REDIC1: variants seen among roughly 807,000 people sequenced by gnomAD.
REDIC1 encodes regulator of DNA class I crossover intermediates 1, also known as HEI10 Interacting Protein 1.
the REDIC1 span, among the ~76,000 whole-genome samples, chr12:39,730,874 T>C: frequency 6.6e-6 from 1 of 152,236 alleles, no homozygotes; most frequent in Admixed American, 6.5e-5. Context: ...TTCTCTAATC[T>C]TGTCTTCATG....
At chr12:39,859,741 G>C in the REDIC1 span, among the ~76,000 whole-genome samples, 1 of 152,012 alleles carries the variant, frequency 6.6e-6, no homozygotes, top group African/African-American at 2.4e-5. Context: ...TGGCCGGGCT[G>C]GTCTCAAACT....
chr12:39,813,747 G>C, the REDIC1 span, among the ~76,000 whole-genome samples: 2 of 152,154 alleles, frequency 1.3e-5, no homozygotes, highest in African/African-American at 4.8e-5. Context: ...CACGGCTGCA[G>C]CCACTACCAT....
the REDIC1 span, among the ~76,000 whole-genome samples, chr12:39,854,191 G>A: frequency 4.6e-5 from 7 of 151,900 alleles, no homozygotes; most frequent in African/African-American, 1.7e-4. Flanking sequence ...CATCACTTTA[G>A]GCAAATGATA....
the REDIC1 span, among the ~76,000 whole-genome samples, chr12:39,851,529 C>T: frequency 6.6e-6 from 1 of 152,088 alleles, no homozygotes; most frequent in Non-Finnish European, 1.5e-5. Context: ...TGTACAACAC[C>T]ATTTCAAAAA....
the REDIC1 span, among the ~76,000 whole-genome samples, chr12:39,680,112 C>A: frequency 1.3e-5 from 2 of 151,976 alleles, no homozygotes; most frequent in Non-Finnish European, 2.9e-5. Flanking sequence ...GCAAATGCAA[C>A]AAAAACAAAA....
chr12:39,905,944 T>C, the REDIC1 span, among the ~76,000 whole-genome samples: 2 of 152,136 alleles, frequency 1.3e-5, no homozygotes, highest in African/African-American at 2.4e-5. Flanking sequence ...GGTTACACTA[T>C]ATTTGGTATA....
At chr12:39,854,784 C>T in the REDIC1 span, among the ~76,000 whole-genome samples, 1 of 152,132 alleles carries the variant, frequency 6.6e-6, no homozygotes, top group Non-Finnish European at 1.5e-5. Flanking sequence ...GGCCCTTTCT[C>T]CAGCAGTATC....
the REDIC1 span, chr12:39,721,326 T>G: frequency 7.9e-7 from 1 of 1,271,170 alleles, no homozygotes; most frequent in Non-Finnish European, 1.1e-6. Context: ...GAAAATTTCA[T>G]TAACATGATA....
chr12:39,839,645 T>G, the REDIC1 span, among the ~76,000 whole-genome samples: 166 of 152,170 alleles, frequency 1.1e-3, 2 homozygotes, highest in African/African-American at 3.7e-3. Flanking sequence ...ACCTCTCAGA[T>G]AGTGGCATCT....
the REDIC1 span, among the ~76,000 whole-genome samples, chr12:39,800,326 T>G: frequency 1.9e-4 from 29 of 152,158 alleles, no homozygotes; most frequent in Non-Finnish European, 3.2e-4. Context: ...CAAGGGGGGA[T>G]TGAATTCGCA....
the REDIC1 span, among the ~76,000 whole-genome samples, chr12:39,749,027 A>G: frequency 1.3e-5 from 2 of 152,314 alleles, no homozygotes; most frequent in South Asian, 2.1e-4. Flanking sequence ...AGCAAGAGCA[A>G]ACACATTCAA....
the REDIC1 span, among the ~76,000 whole-genome samples, chr12:39,745,015 T>C: frequency 1.3e-5 from 2 of 152,158 alleles, no homozygotes; most frequent in Non-Finnish European, 2.9e-5. Context: ...CTAACACTAA[T>C]CAAAACTAAG....
chr12:39,752,290 C>T, the REDIC1 span, among the ~76,000 whole-genome samples: 4 of 152,112 alleles, frequency 2.6e-5, no homozygotes, highest in African/African-American at 9.7e-5. Context: ...GATCAGTGGA[C>T]TCTTATGGGA....
At chr12:39,692,162 T>C in the REDIC1 span, 3 of 1,386,514 alleles carry the variant, frequency 2.2e-6, no homozygotes, top group Non-Finnish European at 2.9e-6. Flanking sequence ...AAACTAACAA[T>C]TAAATAGAAA....
the REDIC1 span, among the ~76,000 whole-genome samples, chr12:39,835,261 C>T: frequency 6.6e-6 from 1 of 151,998 alleles, no homozygotes; most frequent in African/African-American, 2.4e-5. Flanking sequence ...GTCTAACAAT[C>T]CACCCAGTTC....
At chr12:39,705,150 G>T in the REDIC1 span, among the ~76,000 whole-genome samples, 2 of 151,428 alleles carry the variant, frequency 1.3e-5, no homozygotes, top group Non-Finnish European at 3.0e-5. Flanking sequence ...CTTATAACAG[G>T]AATTCAAAGG....
At chr12:39,732,562 A>G in the REDIC1 span, among the ~76,000 whole-genome samples, 1 of 152,194 alleles carries the variant, frequency 6.6e-6, no homozygotes, top group Non-Finnish European at 1.5e-5. Context: ...ATAATTTTGT[A>G]CAAAAATACC....
chr12:39,899,073 T>C, the REDIC1 span, among the ~76,000 whole-genome samples: 1 of 152,148 alleles, frequency 6.6e-6, no homozygotes, highest in East Asian at 1.9e-4. Flanking sequence ...TTCCTCCTTG[T>C]ACCTCTGGTA....
At chr12:39,714,261 G>T in the REDIC1 span, among the ~76,000 whole-genome samples, 1 of 138,188 alleles carries the variant, frequency 7.2e-6, no homozygotes, top group Non-Finnish European at 1.6e-5. Context: ...GTATATGCAT[G>T]CATATATGTA....
Sources: allele counts gnomAD v4.1 joint callset (sites outside exome capture counted in the v4.1 genomes callset), GRCh38; gene constraint gnomAD v4.1.1; transcripts MANE v1.5; gene names NCBI Gene and HGNC (gene_info 2026-07-23, HGNC 2026-07-21).